Variants in HERC4 observed in about 807,000 individuals in gnomAD.
The protein encoded by HERC4 is HECT and RLD domain containing E3 ubiquitin protein ligase 4.
A neutral mutation model predicts 124.3 loss-of-function variants in HERC4; 28 were observed. The ratio of observed to expected loss-of-function variants is 0.23; its 90% CI spans 0.17 to 0.31. The LOEUF (loss-of-function observed/expected upper bound fraction) is 0.31, where lower values mean the gene tolerates loss of function less well. Ranked by LOEUF, HERC4 falls within the 10% of genes least tolerant of loss-of-function variation. The probability of loss-of-function intolerance (pLI) is 1.00; values close to 1 mark genes in which losing one functional copy is unlikely to be tolerated. For missense variants in HERC4, 713 were observed against 1,229.3 expected (o/e 0.58, Z 6.28); for synonymous variants, 407 against 421.5 (o/e 0.97, Z 0.42).
intron 3 of HERC4, among the ~76,000 whole-genome samples, chr10:68,063,712 C>T (rs1468890513): frequency 1.3e-5 from 2 of 152,038 alleles, no homozygotes; most frequent in Admixed American, 6.5e-5. Flanking sequence ...CCAAGGCGGA[C>T]AGATTACCTG....
intron 3 of HERC4, among the ~76,000 whole-genome samples, chr10:68,065,606 T>C (rs1385777490): frequency 2.0e-5 from 3 of 151,964 alleles, no homozygotes; most frequent in Admixed American, 2.0e-4. Flanking sequence ...GGCGTGGTGG[T>C]TCATGCCTAT....
At chr10:68,003,246 C>T (rs148805557) in intron 9 of HERC4, among the ~76,000 whole-genome samples, 42 of 151,956 alleles carry the variant, frequency 2.8e-4, no homozygotes, top group African/African-American at 9.9e-4. Context: ...GCTCCGCCTC[C>T]CGGGTTCATG....
rs536120188 is a variant in HERC4 at position 68,039,274 on chromosome 10, C to T, written c.387-1105G>A. On this transcript the variant is annotated intron_variant, in intron 4 of 24. Coordinates refer to ENST00000373700, the MANE Select transcript of HERC4 (RefSeq NM_015601.4). ...GAGGCTGCAGTGAGCCAAGATCACA[C>T]CATCGCACTCCAGAATGGGCGATAG... The T allele has an allele frequency of 6.3e-6, 7 of 1,105,990 alleles. No homozygotes were observed. The South Asian group carries it at 1.3e-4, about 20-fold the overall frequency. 68.5% of individuals were successfully genotyped at this position (1,105,990 alleles called of 1,614,324 possible). A position where few individuals can be genotyped will look rare whatever the true frequency, so the allele number is the denominator to read the frequency against.
chr10:68,038,218 T>C (rs374564034), intron 4 of HERC4, 49 bp from the exon 5 acceptor site: 146 of 926,516 alleles, frequency 1.6e-4, no homozygotes, highest in African/African-American at 6.4e-4. Flanking sequence ...ATTTAACAAA[T>C]TGATCTTGAA....
At chr10:68,067,680 A>G (rs1360168114) in intron 3 of HERC4, 1 of 152,244 alleles carries the variant, frequency 6.6e-6, no homozygotes. Context: ...CAAGCCAAGT[A>G]ATCACTACTA....
intron 7 of HERC4, among the ~76,000 whole-genome samples, chr10:68,031,938 G>C (rs1170874565): frequency 1.3e-5 from 2 of 152,126 alleles, no homozygotes; most frequent in Admixed American, 6.6e-5. Context: ...TTTTAGAAGA[G>C]ACAGAGTTTC....
intron 16 of HERC4, among the ~76,000 whole-genome samples, chr10:67,963,640 A>C (rs1374904447): frequency 6.6e-6 from 1 of 152,216 alleles, no homozygotes; most frequent in African/African-American, 2.4e-5. Context: ...TGGGCTTCTT[A>C]AGAAATTGTT....
chr10:67,939,721 G>GATATATATAT (rs111550670), intron 20 of HERC4, 67 bp from the exon 21 acceptor site: 1 of 551,214 alleles, frequency 1.8e-6, no homozygotes, highest in African/African-American at 2.0e-5. Flanking sequence ...TTTACTTATG[G>GATATATATAT]ATATATATAT....
At chr10:67,973,745 G>C (rs993702175) in intron 15 of HERC4, among the ~76,000 whole-genome samples, 6 of 152,094 alleles carry the variant, frequency 3.9e-5, no homozygotes, top group Admixed American at 2.0e-4. Flanking sequence ...CCCTGGGTAA[G>C]AGTAATTTTA....
Position 67,930,663 on chromosome 10 carries a change from G to C in HERC4, c.2838+1934C>G, listed in dbSNP as rs906536919. On this transcript the variant is annotated intron_variant, in intron 23 of 24. Transcript: ENST00000373700. ...ATACAGTATCTAACTAATTATAAAT[G>C]CATAAATCAGAGGATGGTATATTAG... Among the ~76,000 whole-genome samples, 8 of 152,126 alleles carry C rather than the reference G, an allele frequency of 5.3e-5. 1 individual carries two copies. Among genetic ancestry groups the C allele is most frequent in the African/African-American group, 1.7e-4 (7 of 41,418 alleles).
At chr10:68,009,935 CTT>C (rs889257530) in intron 9 of HERC4, among the ~76,000 whole-genome samples, 2 of 151,946 alleles carry the variant, frequency 1.3e-5, no homozygotes. Flanking sequence ...GAGTATTTTT[CTT>C]TTTTTTCTCT....
intron 4 of HERC4, among the ~76,000 whole-genome samples, chr10:68,038,655 T>C (rs1372454034): frequency 2.0e-5 from 3 of 152,228 alleles, no homozygotes; most frequent in East Asian, 3.8e-4. Context: ...CTACCAACTC[T>C]CAAATTATGA....
intron 4 of HERC4, chr10:68,039,546 T>G: frequency 1.3e-6 from 2 of 1,543,646 alleles, no homozygotes; most frequent in South Asian, 2.4e-5. Context: ...TCCATATTAT[T>G]GTATTAAAAA....
intron 19 of HERC4, among the ~76,000 whole-genome samples, chr10:67,946,348 AACAC>A (rs58692888): frequency 0.057 from 7,335 of 128,386 alleles, 208 homozygotes; most frequent in Middle Eastern, 0.092. Flanking sequence ...ATAAAACACA[AACAC>A]ACACACACAC....
intron 3 of HERC4, among the ~76,000 whole-genome samples, chr10:68,052,667 A>G (rs1366162836): frequency 6.6e-6 from 1 of 152,208 alleles, no homozygotes; most frequent in Non-Finnish European, 1.5e-5. Context: ...GGGACCTCAG[A>G]AATATTATCA....
intron 3 of HERC4, among the ~76,000 whole-genome samples, chr10:68,059,603 AATATTATATATC>A (rs1285473633): frequency 5.9e-5 from 5 of 84,544 alleles, no homozygotes; most frequent in East Asian, 6.8e-4. Flanking sequence ...TATATATCAT[AATATTATATATC>A]ATAATATTAT....
Position 68,018,612 on chromosome 10 carries a change from A to C in HERC4, c.909-4426T>G, listed in dbSNP as rs189743282. ...ATGAGTAAGTTATTAATAAGAGTTT[A>C]GCAAGGTGGTTGTATTTAAAATCAA... is the stretch of plus-strand genomic sequence containing the variant. On this transcript the variant is annotated intron_variant, in intron 8 of 24. Transcript: ENST00000373700. Among the ~76,000 whole-genome samples, 29 of 152,346 alleles carry C rather than the reference A, an allele frequency of 1.9e-4. No homozygotes were observed. The East Asian group carries it at 4.6e-3, about 24-fold the overall frequency.
At chr10:68,017,485 A>G (rs1334380575) in intron 8 of HERC4, among the ~76,000 whole-genome samples, 1 of 152,180 alleles carries the variant, frequency 6.6e-6, no homozygotes, top group East Asian at 1.9e-4. Context: ...AAATAAGTTT[A>G]TTTATTTATT....
At chr10:67,981,043 C>T (rs1218637461) in intron 15 of HERC4, among the ~76,000 whole-genome samples, 1 of 152,062 alleles carries the variant, frequency 6.6e-6, no homozygotes, top group African/African-American at 2.4e-5. Context: ...GGAGTGTGTC[C>T]TTACTTATCA....
Sources: allele counts gnomAD v4.1 joint callset (sites outside exome capture counted in the v4.1 genomes callset), GRCh38; gene constraint gnomAD v4.1.1; transcripts MANE v1.5; gene names NCBI Gene and HGNC (gene_info 2026-07-23, HGNC 2026-07-21).